Variants in ASCC2 observed in about 807,000 individuals in gnomAD.
ASCC2 encodes the protein ASC-1 complex subunit P100.
ASCC2 carries 42 observed loss-of-function variants against 93.5 expected under a neutral mutation model. That is an observed-to-expected ratio of 0.45 (90% CI 0.35 to 0.58). The LOEUF is 0.58. ASCC2 is among the 20% of genes least tolerant of loss of function. The pLI is 0.00. For missense variants in ASCC2, 859 were observed against 977.6 expected (o/e 0.88, Z 1.62); for synonymous variants, 364 against 384.2 (o/e 0.95, Z 0.62).
intron 1 of ASCC2, among the ~76,000 whole-genome samples, chr22:29,835,079 C>G (rs2063611279): frequency 6.6e-6 from 1 of 152,174 alleles, no homozygotes; most frequent in Non-Finnish European, 1.5e-5. Flanking sequence ...CAGGCCTAGA[C>G]AGGTAGAGAC....
At chr22:29,835,328 A>T (rs2063638925) in intron 1 of ASCC2, among the ~76,000 whole-genome samples, 1 of 151,932 alleles carries the variant, frequency 6.6e-6, no homozygotes, top group Non-Finnish European at 1.5e-5. Context: ...AGCCCAGGAG[A>T]TCAAGGCTGC....
At chr22:29,805,735 C>A (rs773574638) in intron 12 of ASCC2, among the ~76,000 whole-genome samples, 1 of 152,054 alleles carries the variant, frequency 6.6e-6, no homozygotes, top group Non-Finnish European at 1.5e-5. Context: ...CTGTCCACTG[C>A]GAACATTCTT....
Position 29,806,546 on chromosome 22 carries a change from T to A in ASCC2, c.1024A>T (p.Asn342Tyr). 1 of 1,613,572 alleles carries A rather than the reference T, an allele frequency of 6.2e-7. No individual in the cohort carries two copies. Among genetic ancestry groups the A allele is most frequent in the Non-Finnish European group, 8.5e-7 (1 of 1,179,716 alleles). The stretch of plus-strand genomic sequence containing the variant: ...AACTCTTCGATGAAGCCCTGAATGT[T>A]GTCACAGCTAGAACAAGACACCAGG... Reference protein sequence around the residue: ...LLPILESSCDNIQGFIEEFLQ... With the variant: ...LLPILESSCDYIQGFIEEFLQ... The change falls in exon 11 of 20, where the codon AAC becomes TAC. Residue 342 changes from asparagine to tyrosine, a missense_variant. By Grantham distance (143) the Asn-to-Tyr change is moderately radical (BLOSUM62 -2). Transcript: ENST00000307790.
At chr22:29,805,735 C>T (rs773574638) in intron 12 of ASCC2, among the ~76,000 whole-genome samples, 8 of 152,054 alleles carry the variant, frequency 5.3e-5, no homozygotes, top group Non-Finnish European at 1.0e-4. Flanking sequence ...CTGTCCACTG[C>T]GAACATTCTT....
chr22:29,802,652 T>C (rs886067200), intron 13 of ASCC2, among the ~76,000 whole-genome samples: 2 of 151,500 alleles, frequency 1.3e-5, no homozygotes, highest in African/African-American at 4.9e-5. Flanking sequence ...TTTAAAAAAG[T>C]AGCCAGGTGG....
intron 8 of ASCC2, among the ~76,000 whole-genome samples, chr22:29,809,577 T>C (rs1455002061): frequency 6.6e-6 from 1 of 151,878 alleles, no homozygotes; most frequent in Non-Finnish European, 1.5e-5. Flanking sequence ...GTCAGGAGTT[T>C]GAGACCAGCC....
intron 8 of ASCC2, among the ~76,000 whole-genome samples, chr22:29,808,957 T>C (rs1346711908): frequency 6.6e-6 from 1 of 151,478 alleles, no homozygotes; most frequent in East Asian, 1.9e-4. Context: ...CCGTCTCTAC[T>C]AAAAATACAA....
At chr22:29,822,791 G>T (rs2061743302) in intron 4 of ASCC2, among the ~76,000 whole-genome samples, 1 of 136,846 alleles carries the variant, frequency 7.3e-6, no homozygotes, top group South Asian at 2.3e-4. Flanking sequence ...TGTAATCTCT[G>T]CTCACTGCAA....
At chr22:29,824,443 C>T (rs1382144475) in intron 4 of ASCC2, among the ~76,000 whole-genome samples, 4 of 151,914 alleles carry the variant, frequency 2.6e-5, no homozygotes, top group African/African-American at 4.8e-5. Context: ...AGCGAGACCT[C>T]GTCTCTACTA....
chr22:29,834,826 G>A (rs1185512805), intron 1 of ASCC2, among the ~76,000 whole-genome samples: 2 of 146,836 alleles, frequency 1.4e-5, no homozygotes, highest in Admixed American at 1.3e-4. Context: ...CTCTTGTGCC[G>A]AATATGTTAA....
At chr22:29,801,868 G>T in intron 14 of ASCC2, 126 bp downstream of exon 14, 1 of 860,348 alleles carries the variant, frequency 1.2e-6, no homozygotes, top group Non-Finnish European at 1.8e-6. Context: ...GAGGGCTTTA[G>T]TTTAAATGGC....
rs181648862 is a variant in ASCC2, at chr22:29,825,449, A to G, written c.240+173T>C. 1.6e-5 allele frequency: 18 copies of G among 1,147,090 alleles called. No homozygotes were observed. In the East Asian group the frequency reaches 4.3e-4, roughly 27 times the overall value. The allele number at this position is 1,147,090 out of a possible 1,614,324, so 71.1% of individuals were successfully genotyped here. On this transcript the variant is annotated intron_variant, in intron 3 of 19. Coordinates refer to ENST00000307790, the MANE Select transcript of ASCC2 (RefSeq NM_032204.5). This position sits in a 1 kb window ranked among gnomAD's most constrained non-coding sequence, Gnocchi z 4.9. ...AAAATTGACACTTTGAAAGGTGTGT[A>G]AACATTAAGATTGTGATACAAGACA... is the stretch of plus-strand genomic sequence containing the variant.
chr22:29,815,941 T>C lies in ASCC2; in HGVS notation c.609+65A>G, dbSNP rs182481412. ...CCTCCAGGAAAGTCAGGCAACACCA[T>C]TGAGTTGGGGAGGTGGCCTATCCTC... On this transcript the variant is annotated intron_variant, in intron 6 of 19. Transcript: ENST00000307790. The C allele has an allele frequency of 9.7e-4, 1,325 of 1,365,952 alleles. 7 individuals are homozygous for C. Among genetic ancestry groups the C allele is most frequent in the Non-Finnish European group, 4.9e-4 (478 of 979,070 alleles). 84.6% of individuals were successfully genotyped at this position (1,365,952 alleles called of 1,614,324 possible).
intron 15 of ASCC2, 128 bp downstream of exon 15, chr22:29,800,863 G>A: frequency 8.4e-7 from 1 of 1,188,680 alleles, no homozygotes. Context: ...ACAGGTCTAG[G>A]GTTGTGAAGG....
intron 5 of ASCC2, chr22:29,816,633 G>C (rs1028721451): frequency 6.6e-6 from 1 of 152,244 alleles, no homozygotes. Flanking sequence ...GAAGGACTTG[G>C]AGATAGATTT....
intron 5 of ASCC2, among the ~76,000 whole-genome samples, chr22:29,818,407 C>CCT (rs1304898391): frequency 2.7e-3 from 9 of 3,320 alleles, no homozygotes; most frequent in Non-Finnish European, 5.7e-3. Context: ...CCTGCCTACA[C>CCT]ACACACACAC....
intron 2 of ASCC2, among the ~76,000 whole-genome samples, chr22:29,830,075 G>A (rs566745457): frequency 6.6e-5 from 10 of 152,276 alleles, no homozygotes; most frequent in Admixed American, 2.0e-4. Flanking sequence ...TCAGGCAGCT[G>A]TCTCCCTCAA....
At chr22:29,813,170 C>T (rs966060821) in intron 8 of ASCC2, among the ~76,000 whole-genome samples, 2 of 152,104 alleles carry the variant, frequency 1.3e-5, no homozygotes, top group East Asian at 1.9e-4. Context: ...CATGAGCCAA[C>T]GCGCCCAGCC....
At chr22:29,798,697 C>T (rs1397374579) in intron 15 of ASCC2, among the ~76,000 whole-genome samples, 1 of 152,198 alleles carries the variant, frequency 6.6e-6, no homozygotes, top group Non-Finnish European at 1.5e-5. Flanking sequence ...GGACATGTGT[C>T]CCTGCCGAAG....
Sources: gnomAD v4.1 joint callset for allele counts (sites outside exome capture counted in the v4.1 genomes callset) on GRCh38, gnomAD v4.1.1 for gene constraint, Gnocchi (gnomAD v3.1) non-coding constraint, MANE v1.5 for transcripts, NCBI Gene and HGNC (gene_info 2026-07-23, HGNC 2026-07-21) for gene names.